Variants in EVI5 observed in about 807,000 individuals in gnomAD.
The protein encoded by EVI5 is ecotropic viral integration site 5 protein homolog.
Under a neutral mutation model 112.0 loss-of-function variants are expected in EVI5, and 73 were observed. The ratio of observed to expected loss-of-function variants is 0.65; its 90% CI spans 0.54 to 0.79. EVI5 has a LOEUF of 0.79. Among genes scored for constraint, EVI5 ranks in the 30% least tolerant of loss-of-function variants. The pLI is 0.00. For missense variants in EVI5, 900 were observed against 968.8 expected (o/e 0.93, Z 0.94); for synonymous variants, 305 against 319.9 (o/e 0.95, Z 0.50).
chr1:92,552,957 A>C (rs1667166656), intron 19 of EVI5, among the ~76,000 whole-genome samples: 1 of 151,894 alleles, frequency 6.6e-6, no homozygotes, highest in African/African-American at 2.4e-5. Flanking sequence ...TACTATCATG[A>C]GAGGCACATG....
chr1:92,563,723 C>A lies in EVI5; in HGVS notation c.2085G>T (p.Lys695Asn). The change falls in exon 19 of 20, where the codon AAG becomes AAT. Residue 695 changes from lysine to asparagine, a missense_variant. Physicochemically the swap from Lys to Asn is moderately conservative, Grantham distance 94. Transcript: ENST00000684568. ...CAGACTTGTTAAGCTGTCCTTGAAG[C>A]TTTCCTTCTTCTTTCTGTTTTGTGA... The part of the protein sequence containing the change: ...AELEIQKEEG[K>N]LQGQLNKSDS... The A allele has an allele frequency of 6.2e-7, 1 of 1,603,546 alleles. No individual in the cohort carries two copies.
intron 18 of EVI5, among the ~76,000 whole-genome samples, chr1:92,575,180 T>C (rs1053781049): frequency 6.6e-6 from 1 of 152,208 alleles, no homozygotes; most frequent in Non-Finnish European, 1.5e-5. Flanking sequence ...GACACCCATA[T>C]ACCCTTCAGC....
intron 9 of EVI5, among the ~76,000 whole-genome samples, chr1:92,683,549 A>G (rs1667952242): frequency 6.6e-6 from 1 of 152,240 alleles, no homozygotes; most frequent in Non-Finnish European, 1.5e-5. Flanking sequence ...AACTGGATGG[A>G]GAATGAGTTT....
intron 1 of EVI5, among the ~76,000 whole-genome samples, chr1:92,780,009 A>G (rs1188848402): frequency 6.6e-6 from 1 of 152,174 alleles, no homozygotes. Flanking sequence ...CTGTGTCCCC[A>G]CCCAAATCTC....
At chr1:92,666,362 A>AAC (rs375141640) in intron 10 of EVI5, among the ~76,000 whole-genome samples, 145 of 150,764 alleles carry the variant, frequency 9.6e-4, no homozygotes, top group African/African-American at 3.0e-3. Context: ...CTCTATGAAA[A>AAC]ACACACACAC....
At position 92,784,883 on chromosome 1, in the gene EVI5, A is replaced by G. The variant is rs1490631079; in HGVS notation, c.-129T>C. On this transcript the variant is annotated 5_prime_UTR_variant, in exon 1 of 20. Coordinates refer to ENST00000684568, the MANE Select transcript of EVI5 (RefSeq NM_001350197.2). ...CGCCGTAAACATTAACTTCCCATCC[A>G]GCCGGCAGCCGCGCCGCCGCGTCTC... 3 of 985,690 alleles carry G rather than the reference A, an allele frequency of 3.0e-6. No homozygotes were observed. The South Asian group carries it at 1.4e-4, about 46-fold the overall frequency. The allele number at this position is 985,690 out of a possible 1,614,324, so 61.1% of individuals were successfully genotyped here.
In EVI5 at chr1:92,665,968, A is replaced by G; in HGVS notation, c.1183T>C (p.Leu395=). ...TCTAATGTCTCGATGCGCTGTTTTA[A>G]AAGTCTATTTTCTGTGCGTAACCTC... ...IKRLRTENRL[L]KQRIETLEKE... The change falls in exon 11 of 20, where the codon TTA becomes CTA. Residue 395 remains leucine, a synonymous_variant. Coordinates refer to ENST00000684568, the MANE Select transcript of EVI5 (RefSeq NM_001350197.2). The G allele has an allele frequency of 3.1e-6, 5 of 1,609,178 alleles. No individual in the cohort carries two copies. The highest frequency in any genetic ancestry group is 4.2e-6 in the Non-Finnish European group (5 of 1,178,382).
chr1:92,548,985 G>A lies in EVI5; in HGVS notation c.2166+14657C>T, dbSNP rs1001892174. The stretch of plus-strand genomic sequence containing the variant: ...TACCAATGACTTTCTTCACAGAATT[G>A]GAAAAAACTACTTTAAAGTTCATAT... On this transcript the variant is annotated intron_variant, in intron 19 of 19. Coordinates refer to ENST00000684568, the MANE Select transcript of EVI5 (RefSeq NM_001350197.2). 6.4e-4 allele frequency among the ~76,000 whole-genome samples: 98 copies of A among 152,162 alleles called. 1 individual carries two copies. The highest frequency in any genetic ancestry group is 2.3e-3 in the African/African-American group (97 of 41,488).
At chr1:92,540,504 C>T (rs966811822) in intron 19 of EVI5, among the ~76,000 whole-genome samples, 3 of 152,152 alleles carry the variant, frequency 2.0e-5, no homozygotes, top group African/African-American at 7.2e-5. Flanking sequence ...TATTCAGATC[C>T]TTTATCCATT....
chr1:92,647,404 A>G (rs1052209496), intron 13 of EVI5: 46 of 283,304 alleles, frequency 1.6e-4, no homozygotes, highest in Middle Eastern at 5.9e-4. Flanking sequence ...GCCTCACTTA[A>G]CTGGTTCACA....
At chr1:92,735,614 T>C (rs1264822315) in intron 2 of EVI5, among the ~76,000 whole-genome samples, 1 of 146,046 alleles carries the variant, frequency 6.8e-6, no homozygotes, top group Non-Finnish European at 1.5e-5. Context: ...GTATTATATA[T>C]AATTATATGA....
At chr1:92,697,115 G>C (rs2102493308) in intron 6 of EVI5, among the ~76,000 whole-genome samples, 1 of 152,024 alleles carries the variant, frequency 6.6e-6, no homozygotes, top group East Asian at 1.9e-4. Flanking sequence ...ACCACAGATG[G>C]GAAAAACTGG....
At chr1:92,633,809 T>C (rs78054058) in intron 14 of EVI5, among the ~76,000 whole-genome samples, 1 of 152,232 alleles carries the variant, frequency 6.6e-6, no homozygotes, top group Non-Finnish European at 1.5e-5. Flanking sequence ...GTTTTTGCAG[T>C]GGCTGGTACC....
intron 18 of EVI5, among the ~76,000 whole-genome samples, chr1:92,604,719 A>G (rs1649969259): frequency 6.6e-6 from 1 of 152,224 alleles, no homozygotes; most frequent in Admixed American, 6.5e-5. Flanking sequence ...CTACACTTTT[A>G]TAAGAGTGGC....
chr1:92,738,453 C>A (rs1024501326), intron 1 of EVI5, among the ~76,000 whole-genome samples: 1 of 152,118 alleles, frequency 6.6e-6, no homozygotes, highest in Non-Finnish European at 1.5e-5. Flanking sequence ...ATAATTAATG[C>A]TTTACATTTT....
intron 18 of EVI5, among the ~76,000 whole-genome samples, chr1:92,599,376 T>A (rs1485498674): frequency 6.6e-6 from 1 of 151,942 alleles, no homozygotes; most frequent in Admixed American, 6.6e-5. Context: ...TAAGTTGAGT[T>A]CTCCCCCTAG....
intron 19 of EVI5, among the ~76,000 whole-genome samples, chr1:92,519,146 A>G (rs114501829): frequency 6.6e-6 from 1 of 152,180 alleles, no homozygotes; most frequent in African/African-American, 2.4e-5. Flanking sequence ...AGGAAAGTAG[A>G]TAATATGCTC....
chr1:92,580,059 T>G (rs1671699619), intron 18 of EVI5, among the ~76,000 whole-genome samples: 1 of 152,226 alleles, frequency 6.6e-6, no homozygotes, highest in Admixed American at 6.5e-5. Flanking sequence ...GTATTTTTGT[T>G]GGAATTTTGT....
intron 4 of EVI5, among the ~76,000 whole-genome samples, chr1:92,702,806 C>A (rs1263947869): frequency 3.2e-3 from 259 of 81,146 alleles, no homozygotes; most frequent in Middle Eastern, 6.7e-3. Context: ...AACTCCATCT[C>A]AAAAAAAAAA....
Sources: gnomAD v4.1 joint callset for allele counts (sites outside exome capture counted in the v4.1 genomes callset) on GRCh38, gnomAD v4.1.1 for gene constraint, MANE v1.5 for transcripts, NCBI Gene and HGNC (gene_info 2026-07-23, HGNC 2026-07-21) for gene names.